CWF19L2: variants seen among roughly 807,000 people sequenced by gnomAD.
The protein encoded by CWF19L2 is CWF19 like cell cycle control factor 2, also known as CWF19-like protein 2.
In CWF19L2, 98 loss-of-function variants were observed where a neutral mutation model predicts 111.7. The observed-to-expected ratio is 0.88, with a 90% CI of 0.75 to 1.04. The LOEUF is 1.04. CWF19L2 is among the 50% of genes least tolerant of loss of function. The probability of loss-of-function intolerance (pLI) is 0.00; values close to 1 mark genes in which losing one functional copy is unlikely to be tolerated. For missense variants in CWF19L2, 1,101 were observed against 1,051.4 expected (o/e 1.05, Z -0.65); for synonymous variants, 351 against 342.9 (o/e 1.02, Z -0.26).
chr11:107,414,203 CT>C (rs1378273993), intron 10 of CWF19L2, among the ~76,000 whole-genome samples: 2 of 150,606 alleles, frequency 1.3e-5, no homozygotes, highest in African/African-American at 5.0e-5. Flanking sequence ...TTTATTTATT[CT>C]TTTTTTAGAG....
At chr11:107,354,664 G>A (rs529912254) in intron 12 of CWF19L2, among the ~76,000 whole-genome samples, 1 of 152,272 alleles carries the variant, frequency 6.6e-6, no homozygotes, top group South Asian at 2.1e-4. Flanking sequence ...TTTTGTGCAT[G>A]AAACAAAGTT....
chr11:107,371,011 TC>T (rs1182124826), intron 12 of CWF19L2, among the ~76,000 whole-genome samples: 1 of 99,754 alleles, frequency 1.0e-5, no homozygotes, highest in Non-Finnish European at 2.0e-5. Flanking sequence ...TTCTAGTTTC[TC>T]TTTTTTTTTT....
At chr11:107,342,913 A>G (rs1263172683) in intron 14 of CWF19L2, among the ~76,000 whole-genome samples, 2 of 152,204 alleles carry the variant, frequency 1.3e-5, no homozygotes, top group African/African-American at 4.8e-5. Context: ...GAAATGATGT[A>G]GCCACAAGCC....
intron 12 of CWF19L2, among the ~76,000 whole-genome samples, chr11:107,371,995 G>C (rs1375857806): frequency 7.3e-6 from 1 of 137,102 alleles, no homozygotes; most frequent in African/African-American, 2.9e-5. Flanking sequence ...GGGAACAACA[G>C]AATATATCTA....
rs917690753 is a variant in CWF19L2, at chr11:107,353,702, A to G, written c.1907T>C (p.Leu636Pro). The G allele has an allele frequency of 9.3e-6, 15 of 1,613,778 alleles. No homozygotes were observed. The highest frequency in any genetic ancestry group is 1.2e-5 in the Non-Finnish European group (14 of 1,179,744). ...MGKTDGDYYT[L>P]DDMFVSKAAE... The stretch of plus-strand genomic sequence containing the variant: ...TGCTTTGGAGACAAACATGTCATCC[A>G]GGGTGTAATAGTCTCCATCTGTTTT... The change falls in exon 13 of 18, where the codon CTG becomes CCG. Residue 636 changes from leucine to proline, a missense_variant. By Grantham distance (98) the Leu-to-Pro change is moderately conservative. Coordinates refer to ENST00000282251, the MANE Select transcript of CWF19L2 (RefSeq NM_152434.3).
chr11:107,405,211 A>G (rs1164412454), intron 10 of CWF19L2, among the ~76,000 whole-genome samples: 2 of 152,222 alleles, frequency 1.3e-5, no homozygotes, highest in Non-Finnish European at 2.9e-5. Context: ...AACCATGCTC[A>G]TTCATTTATG....
intron 10 of CWF19L2, among the ~76,000 whole-genome samples, chr11:107,398,280 C>A (rs496587): frequency 0.7 from 105,943 of 152,006 alleles, 37,221 homozygotes; most frequent in Non-Finnish European, 0.74. Flanking sequence ...AAATCTGAAA[C>A]ATGATACAAG....
At chr11:107,364,903 T>A in intron 12 of CWF19L2, among the ~76,000 whole-genome samples, 1 of 68,254 alleles carries the variant, frequency 1.5e-5, no homozygotes, top group Admixed American at 1.5e-4. Context: ...TTTGAAAGGA[T>A]CAACAAAATT....
intron 3 of CWF19L2, among the ~76,000 whole-genome samples, chr11:107,451,846 A>T (rs1473814266): frequency 2.0e-5 from 3 of 152,208 alleles, no homozygotes; most frequent in Non-Finnish European, 4.4e-5. Flanking sequence ...TTTAACACTT[A>T]TAGATGCAAA....
chr11:107,372,940 C>A (rs535018231), intron 12 of CWF19L2, among the ~76,000 whole-genome samples: 1 of 119,736 alleles, frequency 8.4e-6, no homozygotes, highest in South Asian at 2.8e-4. Flanking sequence ...CGAAGCAGGG[C>A]AAGGCATTGC....
rs7358351 is a variant in CWF19L2, at chr11:107,330,880, G to C, written c.2440-861C>G. On this transcript the variant is annotated intron_variant, in intron 16 of 17. Coordinates refer to ENST00000282251, the MANE Select transcript of CWF19L2 (RefSeq NM_152434.3). ...TAGTCTGTACTTACTTATTTGGGCA[G>C]TGAATCACATGGTCCTACTTAACCA... is the stretch of plus-strand genomic sequence containing the variant. 4.4e-3 allele frequency among the ~76,000 whole-genome samples: 677 copies of C among 152,190 alleles called. 3 individuals carry two copies. The highest frequency in any genetic ancestry group is 0.014 in the African/African-American group (588 of 41,534).
chr11:107,336,574 G>A lies in CWF19L2; in HGVS notation c.2342C>T (p.Ala781Val). 6.2e-7 allele frequency: 1 copy of A among 1,602,570 alleles called. No individual in the cohort carries two copies. The highest frequency in any genetic ancestry group is 2.2e-5 in the East Asian group (1 of 44,544). Residue 781 changes from alanine to valine, a missense_variant, in exon 15 of 18, where the codon GCT becomes GTT. Physicochemically the swap from Ala to Val is moderately conservative, Grantham distance 64. Transcript: ENST00000282251. ...TATAAACACCTTAAAATAGATGGGA[G>A]CCATGTCACCCACTTCCTTGGGAAG... is the stretch of plus-strand genomic sequence containing the variant. ...IPLPKEVGDM[A>V]PIYFKKAIME...
At chr11:107,444,773 C>A (rs1403332875) in intron 3 of CWF19L2, among the ~76,000 whole-genome samples, 1 of 152,174 alleles carries the variant, frequency 6.6e-6, no homozygotes. Context: ...GAACAACCAA[C>A]CACCCACTTA....
At chr11:107,434,006 GAGAATA>G (rs1465768912) in intron 6 of CWF19L2, among the ~76,000 whole-genome samples, 1 of 148,990 alleles carries the variant, frequency 6.7e-6, no homozygotes, top group Non-Finnish European at 1.5e-5. Context: ...TGCAATCTAA[GAGAATA>G]AGAATAAAAG....
At chr11:107,453,374 C>G (rs1861805458) in intron 3 of CWF19L2, among the ~76,000 whole-genome samples, 1 of 152,058 alleles carries the variant, frequency 6.6e-6, no homozygotes, top group Admixed American at 6.6e-5. Context: ...TCCCCCAACC[C>G]AAGGCTGCAC....
intron 14 of CWF19L2, among the ~76,000 whole-genome samples, chr11:107,346,183 C>T (rs1379718504): frequency 1.3e-5 from 2 of 152,084 alleles, no homozygotes; most frequent in Admixed American, 6.6e-5. Context: ...ACTATTAACG[C>T]TATATAGGAC....
intron 5 of CWF19L2, among the ~76,000 whole-genome samples, chr11:107,441,117 G>A (rs902307632): frequency 3.3e-5 from 5 of 152,022 alleles, no homozygotes; most frequent in Non-Finnish European, 7.4e-5. Flanking sequence ...CAACAATAAA[G>A]TATAAAATAA....
rs1174923775 is a variant in CWF19L2 at position 107,349,054 on chromosome 11, C to T, written c.2086-1G>A. 4.7e-6 allele frequency: 7 copies of T among 1,495,734 alleles called. No individual in the cohort carries two copies. The highest frequency in any genetic ancestry group is 6.5e-6 in the Non-Finnish European group (7 of 1,084,010). The allele number at this position is 1,495,734 out of a possible 1,614,324, so 92.7% of individuals were successfully genotyped here. On this transcript the variant is annotated splice_acceptor_variant, in intron 13 of 17. Transcript: ENST00000282251. LOFTEE classifies it high-confidence loss of function. ...GTACGTTGGGTAAACATAAATAAACCTATAAGAGAGAAATACAAAAGGTGA... is the reference window on the plus strand; with the variant it reads ...GTACGTTGGGTAAACATAAATAAACTTATAAGAGAGAAATACAAAAGGTGA...
chr11:107,342,902 G>A (rs56393657), intron 14 of CWF19L2, among the ~76,000 whole-genome samples: 8 of 152,030 alleles, frequency 5.3e-5, no homozygotes, highest in East Asian at 1.9e-4. Flanking sequence ...AAGCAGAGAC[G>A]GAAATGATGT....
Sources: allele counts gnomAD v4.1 joint callset (sites outside exome capture counted in the v4.1 genomes callset), GRCh38; gene constraint gnomAD v4.1.1; transcripts MANE v1.5; gene names NCBI Gene and HGNC (gene_info 2026-07-23, HGNC 2026-07-21).